Variants in PAN3 observed in about 807,000 individuals in gnomAD.
PAN3 encodes the protein PAN2-PAN3 deadenylation complex subunit PAN3.
A neutral mutation model predicts 96.2 loss-of-function variants in PAN3; 19 were observed. That is an observed-to-expected ratio of 0.20 (90% CI 0.14 to 0.29). The LOEUF is 0.29. PAN3 is among the 10% of genes least tolerant of loss of function. PAN3 has a pLI of 1.00. For missense variants in PAN3, 882 were observed against 1,108.1 expected (o/e 0.80, Z 2.90); for synonymous variants, 433 against 406.6 (o/e 1.06, Z -0.78).
intron 5 of PAN3, among the ~76,000 whole-genome samples, chr13:28,203,082 C>T (rs1878931366): frequency 6.6e-6 from 1 of 151,788 alleles, no homozygotes; most frequent in African/African-American, 2.4e-5. Flanking sequence ...CCCTCTTCAG[C>T]CTCCCAAGTA....
At chr13:28,261,832 C>CAA (rs10636889) in intron 9 of PAN3, among the ~76,000 whole-genome samples, 2,498 of 112,150 alleles carry the variant, frequency 0.022, 65 homozygotes, top group African/African-American at 0.032. Flanking sequence ...GACCCTGTCT[C>CAA]AAAAAAAAAA....
rs71086842 is a variant in PAN3 at position 28,284,381 on chromosome 13, A to ATT, written c.2384+3017_2384+3018dup. 5.8e-3 allele frequency among the ~76,000 whole-genome samples: 770 copies of ATT among 132,620 alleles called. 12 individuals are homozygous for ATT. Among genetic ancestry groups the ATT allele is most frequent in the African/African-American group, 0.019 (701 of 36,672 alleles). 87.0% of individuals were successfully genotyped at this position (132,620 alleles called of 152,430 possible). On this transcript the variant is annotated intron_variant, in intron 17 of 18. Transcript: ENST00000380958. The stretch of plus-strand genomic sequence containing the variant: ...GCTAAAGAGATTCACTCTTTTTGTG[A>ATT]TTTTTTTTTTTTTTTTGACTGCTCA...
intron 6 of PAN3, among the ~76,000 whole-genome samples, chr13:28,238,017 T>C (rs775656480): frequency 1.3e-5 from 2 of 152,228 alleles, no homozygotes; most frequent in African/African-American, 2.4e-5. Context: ...TTTTTATTTA[T>C]TTAATAAACA....
Position 28,292,538 on chromosome 13 carries a change from C to T in PAN3, c.*16C>T. ...TCAGTTGTAGTATTTGCTAAAAAAG[C>T]ACGCAGGACATGGCTAAAGACCTTA... On this transcript the variant is annotated 3_prime_UTR_variant, in exon 19 of 19. Coordinates refer to ENST00000380958, the MANE Select transcript of PAN3 (RefSeq NM_175854.8). The T allele has an allele frequency of 5.0e-6, 8 of 1,599,596 alleles. No individual in the cohort carries two copies. Among genetic ancestry groups the T allele is most frequent in the Non-Finnish European group, 6.8e-6 (8 of 1,174,308 alleles).
intron 7 of PAN3, among the ~76,000 whole-genome samples, 171 bp downstream of exon 7, chr13:28,256,710 A>G (rs1885174631): frequency 6.6e-6 from 1 of 152,218 alleles, no homozygotes; most frequent in Non-Finnish European, 1.5e-5. Flanking sequence ...AAATTAATCT[A>G]GTTCTGCCTT....
chr13:28,287,860 C>T, intron 17 of PAN3, 124 bp from the exon 18 acceptor site: 1 of 863,870 alleles, frequency 1.2e-6, no homozygotes, highest in Non-Finnish European at 1.7e-6. Context: ...AACACTGTAC[C>T]AGACTCCCTC....
rs910310664 is a variant in PAN3 at position 28,177,742 on chromosome 13, G to T, written c.620-123G>T. 4.1e-6 allele frequency: 3 copies of T among 740,480 alleles called. No homozygotes were observed. The Admixed American group carries it at 7.2e-5, about 18-fold the overall frequency. The allele number at this position is 740,480 out of a possible 1,614,324, so 45.9% of individuals were successfully genotyped here. Reference sequence around the variant, plus strand: ...AGAAAATATTTGAACATAACTGTGTGTTAGGTACTAAGTTTAATTATTGTG... The same window carrying T: ...AGAAAATATTTGAACATAACTGTGTTTTAGGTACTAAGTTTAATTATTGTG... On this transcript the variant is annotated intron_variant, in intron 3 of 18. Transcript: ENST00000380958.
intron 1 of PAN3, among the ~76,000 whole-genome samples, chr13:28,155,750 A>G (rs1471658464): frequency 6.6e-6 from 1 of 152,218 alleles, no homozygotes; most frequent in East Asian, 1.9e-4. Flanking sequence ...TAAAATGTAT[A>G]ACAAACTCTA....
chr13:28,284,864 T>TA lies in PAN3; in HGVS notation c.2385-3111dup, dbSNP rs571934101. 7.2e-3 allele frequency among the ~76,000 whole-genome samples: 1,086 copies of TA among 151,684 alleles called. 10 individuals are homozygous for TA. The highest frequency in any genetic ancestry group is 0.024 in the African/African-American group (1,013 of 41,398). On this transcript the variant is annotated intron_variant, in intron 17 of 18. Coordinates refer to ENST00000380958, the MANE Select transcript of PAN3 (RefSeq NM_175854.8). The stretch of plus-strand genomic sequence containing the variant: ...AAATTCTAGAATCAGCTTCTTTAGT[T>TA]AAAAAAAAATCAATAAACCTGATGG...
Position 28,288,047 on chromosome 13 carries a change from T to C in PAN3, c.2448T>C (p.Asp816=), listed in dbSNP as rs200472686. ...GTTATCTGTTGAAACTCTTTAGGGA[T>C]CATCTTTTTCATCAGGTGACAGAAG... The part of the protein sequence containing the change: ...GDRYLLKLFR[D]HLFHQVTEAG... Residue 816 remains aspartate (D), a synonymous_variant, in exon 18 of 19, where the codon GAT becomes GAC. Coordinates refer to ENST00000380958, the MANE Select transcript of PAN3 (RefSeq NM_175854.8). The C allele has an allele frequency of 2.2e-5, 36 of 1,613,560 alleles. No individual in the cohort carries two copies. The highest frequency in any genetic ancestry group is 2.6e-5 in the Non-Finnish European group (31 of 1,179,648).
At chr13:28,273,278 A>G (rs1886784551) in intron 14 of PAN3, among the ~76,000 whole-genome samples, 1 of 152,192 alleles carries the variant, frequency 6.6e-6, no homozygotes, top group South Asian at 2.1e-4. Context: ...AAAGTATCGA[A>G]GAATAAGAAC....
chr13:28,270,675 A>T, intron 12 of PAN3, 26 bp from the exon 13 acceptor site: 1 of 1,595,390 alleles, frequency 6.3e-7, no homozygotes, highest in Non-Finnish European at 8.5e-7. Context: ...TTAAGATGTC[A>T]TTTTTTGGAT....
intron 1 of PAN3, among the ~76,000 whole-genome samples, chr13:28,157,648 C>T (rs535541618): frequency 3.9e-5 from 6 of 152,080 alleles, no homozygotes; most frequent in Non-Finnish European, 5.9e-5. Flanking sequence ...TACAGCTAAC[C>T]AGGGAGGTGA....
intron 1 of PAN3, 43 bp from the exon 2 acceptor site, chr13:28,174,229 C>T (rs746896036): frequency 1.3e-6 from 2 of 1,574,828 alleles, no homozygotes; most frequent in Non-Finnish European, 1.7e-6. Flanking sequence ...ATGTTTCATC[C>T]TCTGAAATAA....
intron 4 of PAN3, among the ~76,000 whole-genome samples, chr13:28,180,868 T>C (rs966887654): frequency 7.9e-5 from 12 of 152,118 alleles, no homozygotes; most frequent in South Asian, 2.1e-4. Context: ...TTTTTTTTTT[T>C]CCCTTAAATC....
At chr13:28,201,602 G>A (rs1878714985) in intron 5 of PAN3, among the ~76,000 whole-genome samples, 1 of 151,708 alleles carries the variant, frequency 6.6e-6, no homozygotes. Flanking sequence ...GTCTCACTCT[G>A]TTGCCTAGGC....
At chr13:28,162,881 C>A (rs887251262) in intron 1 of PAN3, among the ~76,000 whole-genome samples, 7 of 149,894 alleles carry the variant, frequency 4.7e-5, no homozygotes, top group Admixed American at 3.3e-4. Flanking sequence ...AAAAAAAAAA[C>A]CTAACAAAAA....
chr13:28,203,176 T>C (rs1263009058), intron 5 of PAN3, among the ~76,000 whole-genome samples: 2 of 151,782 alleles, frequency 1.3e-5, no homozygotes, highest in African/African-American at 4.8e-5. Flanking sequence ...GCCCAGGCTG[T>C]TCTTGAACTC....
chr13:28,201,319 C>T (rs1202591169), intron 5 of PAN3, among the ~76,000 whole-genome samples: 1 of 151,414 alleles, frequency 6.6e-6, no homozygotes, highest in African/African-American at 2.4e-5. Context: ...GTTGGGATTA[C>T]AGGTGTGAGC....
Sources: allele counts gnomAD v4.1 joint callset (sites outside exome capture counted in the v4.1 genomes callset), GRCh38; gene constraint gnomAD v4.1.1; transcripts MANE v1.5; gene names NCBI Gene and HGNC (gene_info 2026-07-23, HGNC 2026-07-21).